ABCB9: variants seen among roughly 807,000 people sequenced by gnomAD.
ABCB9 encodes ATP binding cassette subfamily B member 9, also known as ABC-type oligopeptide transporter ABCB9.
Under a neutral mutation model 62.0 loss-of-function variants are expected in ABCB9, and 36 were observed. The ratio of observed to expected loss-of-function variants is 0.58; its 90% CI spans 0.45 to 0.77. The LOEUF (loss-of-function observed/expected upper bound fraction) is 0.77, where lower values mean the gene tolerates loss of function less well. ABCB9 is among the 30% of genes least tolerant of loss of function. The probability of loss-of-function intolerance (pLI) is 0.00; values close to 1 mark genes in which losing one functional copy is unlikely to be tolerated. For missense variants in ABCB9, 943 were observed against 1,054.7 expected (o/e 0.89, Z 1.47); for synonymous variants, 435 against 461.4 (o/e 0.94, Z 0.73).
rs558987927 is a variant in ABCB9 at position 122,964,315 on chromosome 12, G to A, written c.-88+1972C>T. Among the ~76,000 whole-genome samples the A allele has an allele frequency of 6.6e-6, 1 of 152,284 alleles. No individual in the cohort carries two copies. The highest frequency in any genetic ancestry group is 3.4e-3 in the Middle Eastern group (1 of 294). ...CCAGTCATGCCCCCCGCCTCCAGAA[G>A]CCTATTTATCTTCATCAGAATAAAC... On this transcript the variant is annotated intron_variant, in intron 1 of 11. Coordinates refer to ENST00000280560, the MANE Select transcript of ABCB9 (RefSeq NM_019625.4). This position sits in a 1 kb window ranked among gnomAD's most constrained non-coding sequence, Gnocchi z 4.7.
intron 1 of ABCB9, among the ~76,000 whole-genome samples, chr12:122,965,537 A>G (rs374997829): frequency 1.3e-5 from 2 of 151,980 alleles, no homozygotes; most frequent in African/African-American, 4.8e-5. Flanking sequence ...GCCCAGCCTC[A>G]CTCTGGGACT....
At position 122,960,120 on chromosome 12, in the gene ABCB9, CG is replaced by C. The variant is rs1193263127; in HGVS notation, c.115del (p.Arg39AlafsTer61). On this transcript the variant is annotated frameshift_variant, in exon 2 of 12. Coordinates refer to ENST00000280560, the MANE Select transcript of ABCB9 (RefSeq NM_019625.4). LOFTEE classifies it high-confidence loss of function. ...CACCGAGTCAAAGATGTTGAAGTGG[CG>C]GATGTCCTCCAGGAGGCTGCGGTCC... ...HLDRSLLEDI[R>X]HFNIFDSVLD... 1 of 1,613,686 alleles carries C rather than the reference CG, an allele frequency of 6.2e-7. No individual in the cohort carries two copies. The highest frequency in any genetic ancestry group is 1.1e-5 in the South Asian group (1 of 91,088).
chr12:122,927,106 G>A (rs575443407), downstream of ABCB9, among the ~76,000 whole-genome samples: 93 of 152,236 alleles, frequency 6.1e-4, no homozygotes, highest in African/African-American at 2.0e-3. Flanking sequence ...AACTGTGAGG[G>A]GTGGGGCATA....
At chr12:122,971,840 T>A (rs938824753) in intron 1 of ABCB9, among the ~76,000 whole-genome samples, 1 of 152,020 alleles carries the variant, frequency 6.6e-6, no homozygotes, top group African/African-American at 2.4e-5. Context: ...CCATAACAAA[T>A]GTACTGGCTC....
chr12:122,966,100 T>C (rs1433597767), intron 1 of ABCB9, among the ~76,000 whole-genome samples, 187 bp downstream of exon 1: 2 of 152,208 alleles, frequency 1.3e-5, no homozygotes, highest in African/African-American at 2.4e-5. Context: ...GAAAGGATGC[T>C]GCAGGGATGG....
chr12:122,974,257 C>G (rs1333686150), intron 1 of ABCB9, among the ~76,000 whole-genome samples: 1 of 152,096 alleles, frequency 6.6e-6, no homozygotes, highest in Non-Finnish European at 1.5e-5. Flanking sequence ...TCCTAGATAG[C>G]AGGGCCTCTC....
chr12:122,928,468 CA>C (rs60751364), downstream of ABCB9, among the ~76,000 whole-genome samples: 8,667 of 87,420 alleles, frequency 0.099, 530 homozygotes, highest in African/African-American at 0.25. Context: ...GGCTCTGTCT[CA>C]AAAAAAAAAA....
At chr12:122,923,207 A>G (rs1229538070) in intron 11 of ABCB9, among the ~76,000 whole-genome samples, 1 of 151,998 alleles carries the variant, frequency 6.6e-6, no homozygotes, top group Non-Finnish European at 1.5e-5. Context: ...GGCTCAAGCA[A>G]TCCTCCCGTT....
downstream of ABCB9, among the ~76,000 whole-genome samples, chr12:122,925,447 CA>C (rs929038270): frequency 6.6e-6 from 1 of 151,042 alleles, no homozygotes; most frequent in African/African-American, 2.4e-5. Flanking sequence ...CAAACTCCCA[CA>C]AAAAAAACAT....
Position 122,953,044 on chromosome 12 carries a change from A to C in ABCB9, c.602-2479T>G, listed in dbSNP as rs111476357. 114 of 152,310 alleles carry C rather than the reference A, an allele frequency of 7.5e-4. 2 individuals are homozygous for C. The highest frequency in any genetic ancestry group is 2.6e-3 in the African/African-American group (110 of 41,558). The allele number at this position is 152,310 out of a possible 1,614,324, so 9.4% of individuals were successfully genotyped here. A position where few individuals can be genotyped will look rare whatever the true frequency, so the allele number is the denominator to read the frequency against. ...AAAGCCAAAGTCTTTACAATAGCCCACAAGGACCTGCATGATTGAGCCGCT... is the reference window on the plus strand; with the variant it reads ...AAAGCCAAAGTCTTTACAATAGCCCCCAAGGACCTGCATGATTGAGCCGCT... On this transcript the variant is annotated intron_variant, in intron 2 of 11. Coordinates refer to ENST00000280560, the MANE Select transcript of ABCB9 (RefSeq NM_019625.4).
In ABCB9 at chr12:122,943,207, G is replaced by A. The variant is rs377049524; in HGVS notation, c.1380+1184C>T. Among the ~76,000 whole-genome samples the A allele has an allele frequency of 7.2e-5, 11 of 152,208 alleles. No homozygotes were observed. The East Asian group carries it at 9.7e-4, about 13-fold the overall frequency. On this transcript the variant is annotated intron_variant, in intron 7 of 11. Transcript: ENST00000280560. ...CTGGTGCTGGTGTCCTACCCTGTCC[G>A]CTAGAAGGATCCCACCTCAGTTGCC...
Position 122,932,305 on chromosome 12 carries a change from G to A in ABCB9, c.1927C>T (p.Leu643=), listed in dbSNP as rs116832995. Residue 643 remains leucine (L), a synonymous_variant, in exon 11 of 12, where the codon CTG becomes TTG. Coordinates refer to ENST00000280560, the MANE Select transcript of ABCB9 (RefSeq NM_019625.4). This position sits in a 1 kb window ranked among gnomAD's most constrained non-coding sequence, Gnocchi z 4.7. ...STETGEKGAQ[L]SGGQKQRVAM... is the part of the protein sequence containing the mutation. ...ACCCGCTGCTTCTGGCCACCTGACA[G>A]CTGGGCGCCCTTCTCCCCTGTCTCT... 170 of 1,551,206 alleles carry A rather than the reference G, an allele frequency of 1.1e-4. 1 individual carries two copies. The African/African-American group carries it at 1.9e-3, about 18-fold the overall frequency.
At chr12:122,921,633 T>G (rs573279202) in intron 11 of ABCB9, among the ~76,000 whole-genome samples, 3 of 151,726 alleles carry the variant, frequency 2.0e-5, no homozygotes, top group Non-Finnish European at 4.4e-5. Context: ...AAAAATCAGC[T>G]GGGTGTGGTG....
chr12:122,960,845 G>A (rs978763509), intron 1 of ABCB9, among the ~76,000 whole-genome samples: 21 of 151,622 alleles, frequency 1.4e-4, no homozygotes, highest in Admixed American at 1.3e-3. Context: ...AGGAGTTGGA[G>A]AGCAGCCTGG....
intron 6 of ABCB9, among the ~76,000 whole-genome samples, chr12:122,945,461 G>A (rs190570076): frequency 1.4e-3 from 207 of 152,174 alleles, no homozygotes; most frequent in African/African-American, 4.7e-3. Flanking sequence ...AGACCTGCCC[G>A]AAAGTGGCCT....
At chr12:122,972,131 G>A (rs1466426535) in intron 1 of ABCB9, among the ~76,000 whole-genome samples, 3 of 135,872 alleles carry the variant, frequency 2.2e-5, no homozygotes, top group African/African-American at 5.5e-5. Context: ...TGCAAGCTCC[G>A]CTTCCCAGGT....
At chr12:122,919,418 C>T (rs1447557169), downstream of ABCB9, among the ~76,000 whole-genome samples, 6 of 152,090 alleles carry the variant, frequency 3.9e-5, no homozygotes, top group African/African-American at 1.4e-4. Flanking sequence ...GCAATCCTCC[C>T]GCCTCAGCCT....
upstream of ABCB9, among the ~76,000 whole-genome samples, chr12:122,971,188 G>A (rs943710629): frequency 3.3e-5 from 5 of 151,930 alleles, no homozygotes; most frequent in African/African-American, 1.2e-4. Flanking sequence ...TTCGAGACCA[G>A]CCTGGCCAAT....
intron 9 of ABCB9, chr12:122,939,897 C>T (rs540862328): frequency 5.6e-5 from 35 of 629,910 alleles, no homozygotes; most frequent in Non-Finnish European, 7.7e-5. Context: ...AGGGATCCTC[C>T]AGCCTCAGCT....
Sources: gnomAD v4.1 joint callset for allele counts (sites outside exome capture counted in the v4.1 genomes callset) on GRCh38, gnomAD v4.1.1 for gene constraint, Gnocchi (gnomAD v3.1) non-coding constraint, MANE v1.5 for transcripts, NCBI Gene and HGNC (gene_info 2026-07-23, HGNC 2026-07-21) for gene names.